Variants in RANBP2 observed in about 807,000 individuals in gnomAD.
RANBP2 encodes the protein RAN binding protein 2, also known as E3 SUMO-protein ligase RanBP2.
RANBP2 carries 57 observed loss-of-function variants against 303.6 expected under a neutral mutation model. The observed-to-expected ratio is 0.19, with a 90% CI of 0.15 to 0.23. RANBP2 has a LOEUF of 0.23. RANBP2 is among the 10% of genes least tolerant of loss of function. The pLI is 1.00. For missense variants in RANBP2, 3,138 were observed against 3,780.8 expected (o/e 0.83, Z 4.46); for synonymous variants, 1,167 against 1,301.5 (o/e 0.90, Z 2.23).
the RANBP2 span, among the ~76,000 whole-genome samples, chr2:109,710,086 C>CAA: frequency 1.0e-4 from 7 of 70,156 alleles, no homozygotes; most frequent in African/African-American, 3.7e-4. Flanking sequence ...GACTCCGTCT[C>CAA]AAAAAAAAAA....
the RANBP2 span, among the ~76,000 whole-genome samples, chr2:109,595,234 T>C: frequency 6.6e-6 from 1 of 152,140 alleles, no homozygotes; most frequent in African/African-American, 2.4e-5. Context: ...ATGACACTTG[T>C]CAGTTGGAAG....
chr2:108,894,459 G>GTAGTC, the RANBP2 span: 1 of 152,188 alleles, frequency 6.6e-6, no homozygotes, highest in East Asian at 1.9e-4. Context: ...TCACATTACG[G>GTAGTC]TAGTCTATAA....
the RANBP2 span, among the ~76,000 whole-genome samples, chr2:109,638,716 G>A: frequency 6.6e-6 from 1 of 152,158 alleles, no homozygotes; most frequent in Non-Finnish European, 1.5e-5. Context: ...GTAATAGGGA[G>A]CCTGTTTTTC....
chr2:108,997,919 C>T, the RANBP2 span, among the ~76,000 whole-genome samples: 1 of 152,054 alleles, frequency 6.6e-6, no homozygotes, highest in African/African-American at 2.4e-5. Context: ...CAAACAAAAA[C>T]ACAAGACACT....
chr2:109,253,628 G>C, the RANBP2 span, among the ~76,000 whole-genome samples: 1 of 152,154 alleles, frequency 6.6e-6, no homozygotes, highest in Non-Finnish European at 1.5e-5. Flanking sequence ...GCCTGTGCTT[G>C]GGGCTGTGCT....
chr2:109,546,257 C>T, the RANBP2 span: 1 of 1,506,112 alleles, frequency 6.6e-7, no homozygotes, highest in African/African-American at 1.4e-5. Context: ...AAAGTGCAAT[C>T]CCCACTACTG....
chr2:109,317,508 C>T, the RANBP2 span, among the ~76,000 whole-genome samples: 2 of 152,136 alleles, frequency 1.3e-5, no homozygotes, highest in African/African-American at 4.8e-5. Flanking sequence ...GCAGCAGCCC[C>T]GTTCACAGCA....
the RANBP2 span, among the ~76,000 whole-genome samples, chr2:109,710,264 C>A: frequency 6.6e-6 from 1 of 151,884 alleles, no homozygotes; most frequent in Non-Finnish European, 1.5e-5. Flanking sequence ...CACCTGTAGT[C>A]CCAGCTACTC....
Position 108,783,978 on chromosome 2 carries a change from T to C in RANBP2, c.*77T>C, listed in dbSNP as rs1011368313. On this transcript the variant is annotated 3_prime_UTR_variant, in exon 29 of 29. Transcript: ENST00000283195. ...CTTAGCTATTACAATTTGATAGTTA[T>C]GTTCAGCTTTTGAAAATGGACGTTT... is the stretch of plus-strand genomic sequence containing the variant. 3.3e-5 allele frequency: 46 copies of C among 1,382,458 alleles called. No individual in the cohort carries two copies. Among genetic ancestry groups the C allele is most frequent in the Non-Finnish European group, 4.2e-5 (42 of 1,000,324 alleles). The allele number at this position is 1,382,458 out of a possible 1,614,324, so 85.6% of individuals were successfully genotyped here.
the RANBP2 span, among the ~76,000 whole-genome samples, chr2:109,396,151 A>T: frequency 3.3e-5 from 5 of 152,242 alleles, no homozygotes; most frequent in Admixed American, 3.3e-4. Flanking sequence ...TGGGCAGAGA[A>T]CACTGGGGTC....
At chr2:109,433,694 C>T in the RANBP2 span, among the ~76,000 whole-genome samples, 5 of 152,172 alleles carry the variant, frequency 3.3e-5, no homozygotes, top group African/African-American at 7.2e-5. Context: ...AGCTCTAGTT[C>T]GCAAGGCAAT....
the RANBP2 span, among the ~76,000 whole-genome samples, chr2:109,200,550 C>T: frequency 2.0e-5 from 3 of 152,294 alleles, no homozygotes; most frequent in South Asian, 4.1e-4. Flanking sequence ...TCCAGGCTCC[C>T]GGCCTCCAGC....
the RANBP2 span, chr2:109,616,411 AAG>A: frequency 5.3e-6 from 1 of 186,982 alleles, no homozygotes; most frequent in African/African-American, 2.4e-5. Flanking sequence ...CCTGCAAAGT[AAG>A]GAATAATGCA....
At chr2:109,128,000 C>A in the RANBP2 span, 1 of 152,284 alleles carries the variant, frequency 6.6e-6, no homozygotes, top group Non-Finnish European at 1.5e-5. Flanking sequence ...ACTTCACAAA[C>A]CACAAGGACA....
the RANBP2 span, among the ~76,000 whole-genome samples, chr2:109,654,142 G>A: frequency 6.6e-6 from 1 of 152,062 alleles, no homozygotes; most frequent in African/African-American, 2.4e-5. Context: ...TGGATTTGGA[G>A]TTCAAGGTTC....
chr2:109,682,165 G>T, the RANBP2 span, among the ~76,000 whole-genome samples: 1 of 152,160 alleles, frequency 6.6e-6, no homozygotes, highest in African/African-American at 2.4e-5. Flanking sequence ...CCAAGATATT[G>T]TCAAAATATA....
chr2:109,476,656 G>T, the RANBP2 span, among the ~76,000 whole-genome samples: 2 of 152,322 alleles, frequency 1.3e-5, no homozygotes, highest in South Asian at 2.1e-4. Flanking sequence ...CCAAGAGAGG[G>T]TTCTTGGATC....
the RANBP2 span, among the ~76,000 whole-genome samples, chr2:109,580,348 GCAA>G: frequency 3.0e-5 from 2 of 66,298 alleles, no homozygotes; most frequent in Admixed American, 1.8e-4. Flanking sequence ...TCCATAAAAT[GCAA>G]AAAAAAAAAA....
chr2:109,293,597 T>G, the RANBP2 span, among the ~76,000 whole-genome samples: 2 of 152,378 alleles, frequency 1.3e-5, no homozygotes, highest in African/African-American at 4.8e-5. Flanking sequence ...CTGGGAAGCC[T>G]CTTCCTGAAA....
Sources: allele counts gnomAD v4.1 joint callset (sites outside exome capture counted in the v4.1 genomes callset), GRCh38; gene constraint gnomAD v4.1.1; transcripts MANE v1.5; gene names NCBI Gene and HGNC (gene_info 2026-07-23, HGNC 2026-07-21).